The following DMD variants were observed in gnomAD, a reference collection of about 807,000 sequenced individuals.
DMD encodes mutant dystrophin.
Under a neutral mutation model 330.1 loss-of-function variants are expected in DMD, and 63 were observed. The ratio of observed to expected loss-of-function variants is 0.19; its 90% CI spans 0.16 to 0.24. DMD has a LOEUF of 0.24. DMD is among the 10% of genes least tolerant of loss of function. The probability of loss-of-function intolerance (pLI) is 1.00; values close to 1 mark genes in which losing one functional copy is unlikely to be tolerated. For missense variants in DMD, 3,344 were observed against 2,684.1 expected (o/e 1.25, Z -5.43); for synonymous variants, 1,223 against 959.8 (o/e 1.27, Z -5.07).
At chrX:32,835,791 C>A in intron 4 of DMD, among the ~76,000 whole-genome samples, 1 of 110,862 alleles carries the variant, frequency 9.0e-6, no homozygotes, top group East Asian at 2.9e-4. Flanking sequence ...TGGAGGAGAC[C>A]CTAAGGAAAA....
intron 62 of DMD, among the ~76,000 whole-genome samples, chrX:31,315,174 T>C (rs763260103): frequency 3.7e-4 from 41 of 111,392 alleles, no homozygotes; most frequent in African/African-American, 1.3e-3. Context: ...AGAATGAAAA[T>C]AAACTAACTT....
Position 32,826,950 on chromosome X carries a change from A to G in DMD, c.265-3563T>C, listed in dbSNP as rs1420446201. On this transcript the variant is annotated intron_variant, in intron 4 of 78. Coordinates refer to ENST00000357033, the MANE Select transcript of DMD (RefSeq NM_004006.3). ...TAAAAAATCATATGCTACATGGTAT[A>G]TACAATTTTTTTTGCTAATTAAAAA... Among the ~76,000 whole-genome samples, 3 of 110,352 alleles carry G rather than the reference A, an allele frequency of 2.7e-5. No individual in the cohort carries two copies. In the East Asian group the frequency reaches 8.5e-4, roughly 31 times the overall value.
intron 2 of DMD, among the ~76,000 whole-genome samples, chrX:32,954,903 T>C (rs1001857912): frequency 1.8e-5 from 2 of 112,233 alleles, no homozygotes; most frequent in Admixed American, 9.5e-5. Flanking sequence ...CAGTATACCA[T>C]GGTGTATATG....
intron 1 of DMD, among the ~76,000 whole-genome samples, chrX:33,209,589 C>T (rs2051774924): frequency 9.0e-6 from 1 of 111,361 alleles, no homozygotes; most frequent in African/African-American, 3.2e-5. Context: ...AAACTGGATT[C>T]AAATGTCAAA....
At chrX:33,279,630 C>T (rs2053292474) in intron 1 of DMD, among the ~76,000 whole-genome samples, 1 of 111,236 alleles carries the variant, frequency 9.0e-6, no homozygotes, top group Non-Finnish European at 1.9e-5. Flanking sequence ...TGAAAATGAA[C>T]TGCCAAACTA....
At chrX:31,182,992 T>A in intron 67 of DMD, 88 bp from the exon 68 acceptor site, 1 of 788,581 alleles carries the variant, frequency 1.3e-6, no homozygotes, top group Non-Finnish European at 1.9e-6. Context: ...TCAGTTCGAT[T>A]AATAAGTTAA....
At chrX:32,789,795 C>T in intron 7 of DMD, among the ~76,000 whole-genome samples, 1 of 111,899 alleles carries the variant, frequency 8.9e-6, no homozygotes, top group Non-Finnish European at 1.9e-5. Flanking sequence ...TTGCACTCTT[C>T]TACCAAAAGG....
Position 31,755,758 on chromosome X carries a change from T to C in DMD, c.7542+18202A>G, listed in dbSNP as rs2089016568. 3.6e-5 allele frequency among the ~76,000 whole-genome samples: 4 copies of C among 112,107 alleles called. No homozygotes were observed. The South Asian group carries it at 1.5e-3, about 41-fold the overall frequency. On this transcript the variant is annotated intron_variant, in intron 51 of 78. Coordinates refer to ENST00000357033, the MANE Select transcript of DMD (RefSeq NM_004006.3). Reference sequence around the variant, plus strand: ...TATTTCCTCATGGTTATATTTGTTATAAAGCATGGTTTTATAACTAGGTCG... The same window carrying C: ...TATTTCCTCATGGTTATATTTGTTACAAAGCATGGTTTTATAACTAGGTCG...
At chrX:31,511,903 C>T (rs1369482247) in intron 55 of DMD, among the ~76,000 whole-genome samples, 3 of 105,088 alleles carry the variant, frequency 2.9e-5, no homozygotes, top group South Asian at 4.6e-4. Context: ...CCTGAGGAAT[C>T]GCCACACTGA....
intron 21 of DMD, among the ~76,000 whole-genome samples, chrX:32,473,982 C>G (rs183591957): frequency 4.5e-5 from 5 of 109,914 alleles, no homozygotes; most frequent in South Asian, 3.9e-4. Flanking sequence ...CTCTCTCCCC[C>G]CAACCTTCCC....
intron 6 of DMD, among the ~76,000 whole-genome samples, chrX:32,812,506 G>A (rs1049230314): frequency 1.8e-5 from 2 of 111,411 alleles, no homozygotes; most frequent in African/African-American, 3.3e-5. Context: ...GGTGGCTCGT[G>A]CCTATAGTCC....
intron 9 of DMD, among the ~76,000 whole-genome samples, chrX:32,663,172 C>T (rs925622895): frequency 1.8e-5 from 2 of 111,505 alleles, no homozygotes; most frequent in African/African-American, 3.3e-5. Context: ...CCAATGCATT[C>T]GATGCCATCA....
At chrX:33,023,601 T>G (rs757684966) in intron 1 of DMD, among the ~76,000 whole-genome samples, 5 of 112,007 alleles carry the variant, frequency 4.5e-5, no homozygotes, top group Non-Finnish European at 7.5e-5. Context: ...AGATGTTTCA[T>G]GCATTTATTT....
chrX:31,275,157 G>T (rs1368023066), intron 62 of DMD, among the ~76,000 whole-genome samples: 17 of 11,120 alleles, frequency 1.5e-3, no homozygotes, highest in African/African-American at 0.013. Flanking sequence ...ATCAGGTTTT[G>T]TGTGTGTGTG....
At chrX:31,479,142 T>C in intron 57 of DMD, 39 bp from the exon 58 acceptor site, 1 of 1,206,719 alleles carries the variant, frequency 8.3e-7, no homozygotes, top group Non-Finnish European at 1.1e-6. Flanking sequence ...ATTTGGCTTG[T>C]GGCATTCTTC....
In DMD at chrX:32,445,852, T is replaced by C. The variant is rs183016839; in HGVS notation, c.3786+2604A>G. Among the ~76,000 whole-genome samples the C allele has an allele frequency of 1.3e-3, 150 of 111,232 alleles. 1 individual carries two copies. The highest frequency in any genetic ancestry group is 3.8e-4 in the Non-Finnish European group (20 of 52,566). ...ATTGAGAAATGGAAAATATGTTTTTTGAAAAAATATAAACACACATACATA... is the reference window on the plus strand; with the variant it reads ...ATTGAGAAATGGAAAATATGTTTTTCGAAAAAATATAAACACACATACATA... On this transcript the variant is annotated intron_variant, in intron 27 of 78. Coordinates refer to ENST00000357033, the MANE Select transcript of DMD (RefSeq NM_004006.3).
intron 1 of DMD, among the ~76,000 whole-genome samples, chrX:33,080,579 A>T (rs1187702185): frequency 8.9e-6 from 1 of 111,773 alleles, no homozygotes; most frequent in Non-Finnish European, 1.9e-5. Flanking sequence ...TATTTTAATT[A>T]TATGCTAGGG....
In DMD at chrX:32,545,220, G is replaced by T. The variant is rs745972280; in HGVS notation, c.2107C>A (p.Leu703Ile). ...QILVKHAQEE[L>I]PPPPPQKKRQ... is the part of the protein sequence containing the mutation. ...TTCTTTTGGGGAGGTGGTGGTGGAAGTTCCTCTTGAGCATGCTTTACCAGG... is the reference window on the plus strand; with the variant it reads ...TTCTTTTGGGGAGGTGGTGGTGGAATTTCCTCTTGAGCATGCTTTACCAGG... The change falls in exon 17 of 79, where the codon CTT (leucine) becomes ATT (isoleucine). Residue 703 changes from leucine (L) to isoleucine (I), a missense_variant. Physicochemically the swap from Leu to Ile is conservative, Grantham distance 5. Coordinates refer to ENST00000357033, the MANE Select transcript of DMD (RefSeq NM_004006.3). 2 of 1,208,966 alleles carry T rather than the reference G, an allele frequency of 1.7e-6. No individual in the cohort carries two copies. The highest frequency in any genetic ancestry group is 2.2e-6 in the Non-Finnish European group (2 of 894,406).
intron 44 of DMD, among the ~76,000 whole-genome samples, chrX:32,051,427 A>C (rs150074618): frequency 0.013 from 1,461 of 110,834 alleles, 12 homozygotes; most frequent in Non-Finnish European, 0.018. Flanking sequence ...GTGTTGAAAT[A>C]TAGTGTAATG....
Sources: gnomAD v4.1 joint callset for allele counts (sites outside exome capture counted in the v4.1 genomes callset) on GRCh38, gnomAD v4.1.1 for gene constraint, MANE v1.5 for transcripts, NCBI Gene and HGNC (gene_info 2026-07-23, HGNC 2026-07-21) for gene names.